The following TACR3 variants were observed in gnomAD, a reference collection of about 807,000 sequenced individuals.
TACR3 encodes tachykinin receptor 3, also known as neuromedin-K receptor.
A neutral mutation model predicts 35.0 loss-of-function variants in TACR3; 34 were observed. The observed-to-expected ratio is 0.97, with a 90% CI of 0.74 to 1.30. TACR3 has a LOEUF of 1.30. Among genes scored for constraint, TACR3 ranks in the 50% most tolerant of loss-of-function variants. The pLI is 0.00. For missense variants in TACR3, 558 were observed against 591.7 expected, an observed-to-expected ratio of 0.94 and a Z score of 0.59; for synonymous variants, 233 against 221.1, an observed-to-expected ratio of 1.05 and a Z score of -0.48.
chr4:103,717,846 A>G (rs757603050), intron 1 of TACR3, among the ~76,000 whole-genome samples: 3 of 152,060 alleles, frequency 2.0e-5, no homozygotes, highest in Non-Finnish European at 4.4e-5. Context: ...ACTCCTATAC[A>G]TAGTAGTAAT....
intron 3 of TACR3, among the ~76,000 whole-genome samples, chr4:103,644,117 A>G (rs1033545086): frequency 6.6e-6 from 1 of 151,850 alleles, no homozygotes; most frequent in Admixed American, 6.6e-5. Flanking sequence ...ACTGCCACAC[A>G]TAGAGAGCAG....
chr4:103,609,984 G>T (rs570744323), intron 3 of TACR3, among the ~76,000 whole-genome samples: 4 of 151,840 alleles, frequency 2.6e-5, no homozygotes, highest in African/African-American at 9.7e-5. Context: ...ATTGTATTGC[G>T]TATATAACCA....
chr4:103,604,021 CA>C (rs1157779940), intron 3 of TACR3, among the ~76,000 whole-genome samples: 1 of 152,166 alleles, frequency 6.6e-6, no homozygotes, highest in African/African-American at 2.4e-5. Flanking sequence ...ACTTTCTTCA[CA>C]GAATTAGAAA....
intron 1 of TACR3, among the ~76,000 whole-genome samples, chr4:103,660,529 AACACAC>A (rs143828536): frequency 6.6e-6 from 1 of 150,500 alleles, no homozygotes; most frequent in East Asian, 1.9e-4. Context: ...AAGTGTTCTT[AACACAC>A]ACACACACAC....
chr4:103,586,212 C>T lies in TACR3; in HGVS notation c.*3470G>A, dbSNP rs868361511. 74 of 148,856 alleles carry T rather than the reference C, an allele frequency of 5.0e-4. No homozygotes were observed. The highest frequency in any genetic ancestry group is 7.2e-3 in the Middle Eastern group (2 of 278). The allele number at this position is 148,856 out of a possible 1,614,324, so 9.2% of individuals were successfully genotyped here. On this transcript the variant is annotated 3_prime_UTR_variant, in exon 5 of 5. Transcript: ENST00000304883. ...TTACTTCTTATATAAACAGATTTTTCATATATATATATATATGTATGAAAA... is the reference window on the plus strand; with the variant it reads ...TTACTTCTTATATAAACAGATTTTTTATATATATATATATATGTATGAAAA...
chr4:103,595,043 T>C (rs775522793), intron 3 of TACR3, among the ~76,000 whole-genome samples: 1 of 152,104 alleles, frequency 6.6e-6, no homozygotes, highest in Non-Finnish European at 1.5e-5. Flanking sequence ...TCTTGCTTTG[T>C]GAAATGCTGA....
chr4:103,707,579 G>A (rs953529196), intron 1 of TACR3, among the ~76,000 whole-genome samples: 4 of 152,096 alleles, frequency 2.6e-5, no homozygotes, highest in African/African-American at 7.2e-5. Context: ...TGTGAGCGAC[G>A]CAGAAGATGG....
chr4:103,612,846 T>G (rs1297971169), intron 3 of TACR3, among the ~76,000 whole-genome samples: 1 of 149,046 alleles, frequency 6.7e-6, no homozygotes, highest in Non-Finnish European at 1.5e-5. Flanking sequence ...CTCTCTCCAG[T>G]GCTTAGAAGA....
chr4:103,611,108 C>G (rs149150160), intron 3 of TACR3, among the ~76,000 whole-genome samples: 1 of 151,998 alleles, frequency 6.6e-6, no homozygotes, highest in African/African-American at 2.4e-5. Context: ...TATTCAGGGT[C>G]TTTTATAATT....
At chr4:103,700,305 AC>A (rs1722621157) in intron 1 of TACR3, among the ~76,000 whole-genome samples, 1 of 152,138 alleles carries the variant, frequency 6.6e-6, no homozygotes, top group African/African-American at 2.4e-5. Flanking sequence ...CTAGAACACA[AC>A]TGGGCCCACT....
chr4:103,651,946 G>T (rs1360664031), intron 3 of TACR3, among the ~76,000 whole-genome samples: 1 of 152,024 alleles, frequency 6.6e-6, no homozygotes, highest in African/African-American at 2.4e-5. Context: ...TCTTATTGTG[G>T]CTGAGCTAGT....
chr4:103,712,940 A>T (rs533968588), intron 1 of TACR3, among the ~76,000 whole-genome samples: 1 of 152,366 alleles, frequency 6.6e-6, no homozygotes, highest in East Asian at 1.9e-4. Context: ...ATCTCACACC[A>T]GTTAGAATGG....
At chr4:103,610,221 T>C (rs990075218) in intron 3 of TACR3, among the ~76,000 whole-genome samples, 5 of 152,242 alleles carry the variant, frequency 3.3e-5, no homozygotes, top group African/African-American at 1.2e-4. Context: ...CTGTACTAGT[T>C]TACAGTTTGT....
intron 1 of TACR3, among the ~76,000 whole-genome samples, chr4:103,682,101 T>C (rs1358427783): frequency 6.6e-6 from 1 of 152,162 alleles, no homozygotes; most frequent in Admixed American, 6.6e-5. Context: ...CCCACTCTTA[T>C]TCTGGTCTGT....
At chr4:103,635,809 G>A (rs1258242102) in intron 3 of TACR3, among the ~76,000 whole-genome samples, 1 of 151,860 alleles carries the variant, frequency 6.6e-6, no homozygotes, top group Admixed American at 6.6e-5. Flanking sequence ...AAGTTAATGA[G>A]CCTAGAAAAC....
intron 4 of TACR3, 174 bp downstream of exon 4, chr4:103,591,313 T>C (rs1005536553): frequency 2.6e-5 from 18 of 705,008 alleles, no homozygotes; most frequent in Non-Finnish European, 3.4e-5. Context: ...TGGGATGCTT[T>C]ATAAAGTGTG....
intron 3 of TACR3, among the ~76,000 whole-genome samples, chr4:103,595,776 T>C (rs1723993392): frequency 6.6e-6 from 1 of 151,910 alleles, no homozygotes; most frequent in African/African-American, 2.4e-5. Context: ...ATACTTTAAG[T>C]TTTAGGGTAC....
intron 3 of TACR3, among the ~76,000 whole-genome samples, chr4:103,650,630 ATAT>A (rs1725574827): frequency 1.1e-5 from 1 of 93,176 alleles, no homozygotes; most frequent in African/African-American, 4.8e-5. Flanking sequence ...ATATATAAAT[ATAT>A]AATATATATT....
chr4:103,636,137 C>T (rs1420754986), intron 3 of TACR3, among the ~76,000 whole-genome samples: 5 of 151,896 alleles, frequency 3.3e-5, no homozygotes, highest in Non-Finnish European at 7.4e-5. Context: ...ATTAATTACT[C>T]TCAGTATGCT....
Sources: gnomAD v4.1 joint callset for allele counts (sites outside exome capture counted in the v4.1 genomes callset) on GRCh38, gnomAD v4.1.1 for gene constraint, MANE v1.5 for transcripts, NCBI Gene and HGNC (gene_info 2026-07-23, HGNC 2026-07-21) for gene names.